NHSL1: variants seen among roughly 807,000 people sequenced by gnomAD.
NHSL1 encodes the protein NHS like 1, also known as NHS-like protein 1.
A neutral mutation model predicts 95.0 loss-of-function variants in NHSL1; 48 were observed. The ratio of observed to expected loss-of-function variants is 0.51; its 90% CI spans 0.40 to 0.64. The LOEUF is 0.64. NHSL1 is among the 30% of genes least tolerant of loss of function. The pLI, the probability that NHSL1 is intolerant of heterozygous loss-of-function variation, is 0.00. For missense variants in NHSL1, 1,971 were observed against 2,077.7 expected, an observed-to-expected ratio of 0.95 and a Z score of 1.00; for synonymous variants, 783 against 833.9, an observed-to-expected ratio of 0.94 and a Z score of 1.05.
intron 1 of NHSL1, among the ~76,000 whole-genome samples, chr6:138,569,291 G>C (rs536177540): frequency 6.6e-6 from 1 of 152,180 alleles, no homozygotes; most frequent in South Asian, 2.1e-4. Context: ...GAGAGAAAGA[G>C]AGCGAGAGAG....
chr6:138,563,044 T>G (rs1314337873), intron 1 of NHSL1, among the ~76,000 whole-genome samples: 1 of 152,156 alleles, frequency 6.6e-6, no homozygotes. Context: ...ACGCCCTAGG[T>G]GCTTTCAATG....
At position 138,432,973 on chromosome 6, in the gene NHSL1, G is replaced by T; in HGVS notation, c.1372C>A (p.His458Asn). ...GACTGAGGATCACCTTTCACAGCAT[G>T]CCTGGAGATGAGGTGGTCTCTGGAT... Reference protein sequence around the residue: ...IKSRDHLISRHAVKGDPQSPG... With the variant: ...IKSRDHLISRNAVKGDPQSPG... Residue 458 changes from histidine to asparagine, a missense_variant, in exon 6 of 8, where the codon CAT becomes AAT. Physicochemically the swap from His to Asn is moderately conservative, Grantham distance 68. Transcript: ENST00000343505. This position sits in a 1 kb window ranked among gnomAD's most constrained non-coding sequence, Gnocchi z 4.4. The T allele has an allele frequency of 6.4e-7, 1 of 1,551,202 alleles. No homozygotes were observed.
chr6:138,665,496 A>T (rs1389054040), intron 1 of NHSL1, among the ~76,000 whole-genome samples: 1 of 152,196 alleles, frequency 6.6e-6, no homozygotes, highest in African/African-American at 2.4e-5. Flanking sequence ...CCTTTGGTTC[A>T]GCCTGTCCTT....
intron 1 of NHSL1, among the ~76,000 whole-genome samples, chr6:138,539,396 G>A (rs1030058297): frequency 6.6e-5 from 10 of 152,130 alleles, no homozygotes; most frequent in Non-Finnish European, 1.5e-4. Context: ...CTGGTTAATG[G>A]TGGTGACATG....
chr6:138,687,365 A>T (rs1785597801), intron 1 of NHSL1, among the ~76,000 whole-genome samples: 1 of 152,048 alleles, frequency 6.6e-6, no homozygotes. Flanking sequence ...CTGAGGAAGA[A>T]GCAAAGATAT....
chr6:138,607,453 A>G (rs562311052), intron 1 of NHSL1, among the ~76,000 whole-genome samples: 3 of 152,238 alleles, frequency 2.0e-5, no homozygotes, highest in African/African-American at 7.2e-5. Flanking sequence ...GCAAACAAAG[A>G]ATATTATAGC....
chr6:138,450,331 T>C (rs1777148237), intron 3 of NHSL1, among the ~76,000 whole-genome samples: 1 of 152,178 alleles, frequency 6.6e-6, no homozygotes, highest in Non-Finnish European at 1.5e-5. Context: ...TACACATAAA[T>C]ATAATTTTTC....
chr6:138,547,867 G>A (rs1178460161), upstream of NHSL1, among the ~76,000 whole-genome samples: 2 of 152,220 alleles, frequency 1.3e-5, no homozygotes, highest in Admixed American at 6.5e-5. Context: ...CTCCTGTTCT[G>A]AGTAGTCTCT....
In NHSL1 at chr6:138,495,180, T is replaced by C. The variant is rs557131916; in HGVS notation, c.211+1039A>G. ...ATGGCTCAAACCTGGGAGGTGGAGGTTGCAGTGAGCCGAGATCACACCACT... is the reference window on the plus strand; with the variant it reads ...ATGGCTCAAACCTGGGAGGTGGAGGCTGCAGTGAGCCGAGATCACACCACT... On this transcript the variant is annotated intron_variant, in intron 2 of 7. Coordinates refer to ENST00000343505, the MANE Select transcript of NHSL1 (RefSeq NM_001144060.2). 2.3e-4 allele frequency among the ~76,000 whole-genome samples: 35 copies of C among 151,200 alleles called. No individual in the cohort carries two copies. In the South Asian group the frequency reaches 5.9e-3, roughly 26 times the overall value.
intron 3 of NHSL1, among the ~76,000 whole-genome samples, chr6:138,460,932 C>T (rs1320957825): frequency 1.3e-5 from 2 of 151,904 alleles, no homozygotes; most frequent in Admixed American, 6.6e-5. Context: ...TTCTAACCTG[C>T]CTTGGCTGCC....
At chr6:138,664,467 TG>T (rs1326953967) in intron 1 of NHSL1, among the ~76,000 whole-genome samples, 1 of 152,206 alleles carries the variant, frequency 6.6e-6, no homozygotes, top group Non-Finnish European at 1.5e-5. Flanking sequence ...AGAGCACTAC[TG>T]GGCAAAAGGA....
intron 1 of NHSL1, among the ~76,000 whole-genome samples, chr6:138,612,109 CAAAAAAAAAAAA>C (rs368848438): frequency 3.1e-4 from 23 of 73,488 alleles, no homozygotes; most frequent in Admixed American, 2.6e-3. Context: ...GACTCCATCT[CAAAAAAAAAAAA>C]AAAAAAAAAG....
rs1191482622 is a variant in NHSL1 at position 138,424,728 on chromosome 6, C to T, written c.4174G>A (p.Ala1392Thr). 1 of 1,551,322 alleles carries T rather than the reference C, an allele frequency of 6.4e-7. No homozygotes were observed. Among genetic ancestry groups the T allele is most frequent in the Non-Finnish European group, 8.7e-7 (1 of 1,146,932 alleles). The change falls in exon 8 of 8, where the codon GCT becomes ACT. Residue 1392 changes from alanine (A) to threonine (T), a missense_variant. By Grantham distance (58) the Ala-to-Thr change is moderately conservative (BLOSUM62 0). Around this residue, in one of 3 missense-constraint regions of NHSL1, gnomAD observed 146 missense variants for 206.3 expected, o/e 0.71. Transcript: ENST00000343505. The surrounding 1 kb of genome is among the most constrained non-coding windows in gnomAD (Gnocchi z 5.9). ...SPSPPVTPTG[A>T]APSLASPKQV... ...TTTGGAGAGGCCAGGCTTGGGGCAGCGCCGGTGGGTGTCACGGGCGGGGAG... is the reference window on the plus strand; with the variant it reads ...TTTGGAGAGGCCAGGCTTGGGGCAGTGCCGGTGGGTGTCACGGGCGGGGAG...
chr6:138,642,423 T>C (rs1216765872), intron 1 of NHSL1, among the ~76,000 whole-genome samples: 1 of 152,108 alleles, frequency 6.6e-6, no homozygotes, highest in Non-Finnish European at 1.5e-5. Context: ...GCAGAGAAGA[T>C]GAAGAACCAT....
At chr6:138,469,637 A>G (rs1778625988) in intron 3 of NHSL1, among the ~76,000 whole-genome samples, 1 of 152,100 alleles carries the variant, frequency 6.6e-6, no homozygotes, top group African/African-American at 2.4e-5. Flanking sequence ...AGGCAGGAGG[A>G]TCACTTGAAC....
chr6:138,538,162 T>A (rs1271454779), intron 1 of NHSL1, among the ~76,000 whole-genome samples: 1 of 152,132 alleles, frequency 6.6e-6, no homozygotes, highest in African/African-American at 2.4e-5. Context: ...AGCAAAACTT[T>A]TCCAGGAAAA....
chr6:138,532,448 G>A (rs915684278), intron 1 of NHSL1, among the ~76,000 whole-genome samples: 2 of 152,164 alleles, frequency 1.3e-5, no homozygotes, highest in African/African-American at 4.8e-5. Context: ...TGAGTCAGGA[G>A]CCTAATAAAG....
intron 2 of NHSL1, among the ~76,000 whole-genome samples, chr6:138,494,418 G>A (rs1780234155): frequency 2.6e-5 from 4 of 152,182 alleles, no homozygotes; most frequent in Admixed American, 2.0e-4. Flanking sequence ...TCTTGGGAAA[G>A]TTTCTAATCA....
chr6:138,535,071 C>T (rs1037677058), intron 1 of NHSL1, among the ~76,000 whole-genome samples: 1 of 152,012 alleles, frequency 6.6e-6, no homozygotes, highest in Admixed American at 6.6e-5. Flanking sequence ...AGGACTGGCA[C>T]GATATCGCTG....
Sources: allele counts gnomAD v4.1 joint callset (sites outside exome capture counted in the v4.1 genomes callset), GRCh38; gene constraint gnomAD v4.1.1; regional missense constraint gnomAD v4.1.1; non-coding constraint Gnocchi (gnomAD v3.1); transcripts MANE v1.5; gene names NCBI Gene and HGNC (gene_info 2026-07-23, HGNC 2026-07-21).